The following TAF1 variants were observed in gnomAD, a reference collection of about 807,000 sequenced individuals.
The protein encoded by TAF1 is TATA-box binding protein associated factor 1, also known as transcription initiation factor TFIID subunit 1.
TAF1 carries 2 observed loss-of-function variants against 138.5 expected under a neutral mutation model. The ratio of observed to expected loss-of-function variants is 0.01; its 90% CI spans 0.01 to 0.05. The LOEUF is 0.05. TAF1 is among the 10% of genes least tolerant of loss of function. The probability of loss-of-function intolerance (pLI) is 1.00; values close to 1 mark genes in which losing one functional copy is unlikely to be tolerated. For synonymous variants in TAF1, 437 were observed against 503.2 expected (o/e 0.87, Z 1.76); for missense variants, 709 against 1,478.0 (o/e 0.48, Z 8.53).
intron 13 of TAF1, among the ~76,000 whole-genome samples, chrX:71,473,634 GC>G (rs2038929169): frequency 9.1e-6 from 1 of 110,324 alleles, no homozygotes; most frequent in Non-Finnish European, 1.9e-5. Flanking sequence ...TGAGCCGTGA[GC>G]CACTACATGG....
intron 32 of TAF1, among the ~76,000 whole-genome samples, chrX:71,453,678 A>G (rs950440509): frequency 1.8e-5 from 2 of 110,358 alleles, no homozygotes; most frequent in African/African-American, 3.3e-5. Context: ...ACATGTATCC[A>G]CCATTATATT....
chrX:71,448,875 A>G (rs1456690348), intron 32 of TAF1, among the ~76,000 whole-genome samples: 2 of 107,708 alleles, frequency 1.9e-5, no homozygotes, highest in Non-Finnish European at 3.8e-5. Context: ...CTAGAGTACA[A>G]TGGTGTGATC....
In TAF1 at chrX:71,377,696, C is replaced by G. The variant is rs28382158; in HGVS notation, c.808C>G (p.Leu270Val). The G allele has an allele frequency of 0.021, 25,486 of 1,209,583 alleles. 1,949 individuals are homozygous for G. In the Admixed American group the frequency reaches 0.31, roughly 15 times the overall value. ...RRKRKKKHRELIQEEQIQEVE... is the reference protein window; with the variant it reads ...RRKRKKKHREVIQEEQIQEVE... ...AAAGAGGAAGAAGAAGCACCGTGAG[C>G]TGATACAGGAAGAGCAGATCCAGGA... The change falls in exon 6 of 38, where the codon CTG becomes GTG. Residue 270 changes from leucine (L) to valine (V), a missense_variant. Physicochemically the swap from Leu to Val is conservative, Grantham distance 32. This residue lies in a region of TAF1 where 26 missense variants were observed against 20.9 expected (regional missense o/e 1.25). Transcript: ENST00000423759.
chrX:71,389,878 T>TTTTGACAGAGCA lies in TAF1; in HGVS notation c.2781+222_2781+223insGCATTTGACAGA, dbSNP rs1428494450. The TTTTGACAGAGCA allele has an allele frequency of 4.9e-5, 14 of 287,576 alleles. No homozygotes were observed. The East Asian group carries it at 9.4e-4, about 19-fold the overall frequency. The allele number at this position is 287,576 out of a possible 1,213,427, so 23.7% of individuals were successfully genotyped here. ...TTTGTTTTTTTTTGTTTGTTTTGTT[T>TTTTGACAGAGCA]TTTGACAGAATCTTGCTCTGTCACC... On this transcript the variant is annotated intron_variant, in intron 18 of 37. Transcript: ENST00000423759.
At chrX:71,388,998 C>T (rs1242932722) in intron 17 of TAF1, 130 bp downstream of exon 17, 1 of 796,026 alleles carries the variant, frequency 1.3e-6, no homozygotes, top group Non-Finnish European at 1.7e-6. Flanking sequence ...TAGATTATTA[C>T]CAATTACTAA....
At chrX:71,391,531 C>T (rs1174482364) in intron 18 of TAF1, among the ~76,000 whole-genome samples, 1 of 110,079 alleles carries the variant, frequency 9.1e-6, no homozygotes, top group African/African-American at 3.3e-5. Flanking sequence ...AAAAGAAAAA[C>T]AATTTTTTTT....
chrX:71,424,183 G>A lies in TAF1; in HGVS notation c.4698G>A (p.Arg1566=), dbSNP rs148007434. 3.5e-4 allele frequency: 425 copies of A among 1,209,132 alleles called. 1 individual carries two copies. In the Middle Eastern group the frequency reaches 5.7e-3, roughly 16 times the overall value. ...TCTCCAAGCACAAGTATCAGAGTCG[G>A]GAGAGCTTTCTGGATGATGTAAACC... The part of the protein sequence containing the change: ...KNISKHKYQS[R]ESFLDDVNLI... The change falls in exon 32 of 38, where the codon CGG becomes CGA. Residue 1566 remains arginine (R), a synonymous_variant. Transcript: ENST00000423759.
At chrX:71,489,980 C>T (rs1411266261) in intron 13 of TAF1, among the ~76,000 whole-genome samples, 3 of 111,945 alleles carry the variant, frequency 2.7e-5, no homozygotes, top group African/African-American at 6.5e-5. Flanking sequence ...AGGCCTCTCC[C>T]TCATGAACAG....
intron 13 of TAF1, among the ~76,000 whole-genome samples, chrX:71,503,130 G>A (rs2039541479): frequency 1.9e-5 from 2 of 105,784 alleles, no homozygotes; most frequent in Non-Finnish European, 3.9e-5. Context: ...AATTAGCCGG[G>A]TGTGGTGGTG....
chrX:71,449,099 TCTC>T (rs1489235798), intron 32 of TAF1, among the ~76,000 whole-genome samples: 1 of 111,856 alleles, frequency 8.9e-6, no homozygotes, highest in Non-Finnish European at 1.9e-5. Context: ...TTCAAGCAAT[TCTC>T]CTGCCTCAGC....
At chrX:71,437,586 G>T (rs747352661) in intron 32 of TAF1, among the ~76,000 whole-genome samples, 1 of 105,289 alleles carries the variant, frequency 9.5e-6, no homozygotes, top group East Asian at 3.0e-4. Context: ...CTGGTGACAT[G>T]CACCTGGAGC....
chrX:71,400,080 GT>G (rs887376119), intron 24 of TAF1, among the ~76,000 whole-genome samples: 3 of 105,242 alleles, frequency 2.9e-5, no homozygotes, highest in Non-Finnish European at 3.9e-5. Flanking sequence ...GGTTTGGTAG[GT>G]TTTTTTTTGT....
intron 9 of TAF1, 134 bp downstream of exon 9, chrX:71,382,053 GT>G: frequency 1.4e-6 from 1 of 716,430 alleles, no homozygotes. Context: ...AGAGAGCGAA[GT>G]TTTGGCTGTT....
In TAF1 at chrX:71,389,852, G is replaced by T. The variant is rs921313847; in HGVS notation, c.2781+187G>T. On this transcript the variant is annotated intron_variant, in intron 18 of 37. Transcript: ENST00000423759. Reference sequence around the variant, plus strand: ...AAATATTATATTTTATATGATATGGGTTTGTTTTTTTTTGTTTGTTTTGTT... The same window carrying T: ...AAATATTATATTTTATATGATATGGTTTTGTTTTTTTTTGTTTGTTTTGTT... 1.5e-5 allele frequency: 5 copies of T among 333,848 alleles called. No individual in the cohort carries two copies. The Admixed American group carries it at 2.5e-4, about 17-fold the overall frequency. The allele number at this position is 333,848 out of a possible 1,213,427, so 27.5% of individuals were successfully genotyped here. A position where few individuals can be genotyped will look rare whatever the true frequency, so the allele number is the denominator to read the frequency against.
At chrX:71,380,639 AAGC>A (rs1262158338) in intron 8 of TAF1, among the ~76,000 whole-genome samples, 3 of 111,758 alleles carry the variant, frequency 2.7e-5, no homozygotes, top group East Asian at 2.8e-4. Flanking sequence ...AAATGAAAAA[AAGC>A]AGACTATATA....
At chrX:71,398,110 C>T (rs903401216) in intron 23 of TAF1, among the ~76,000 whole-genome samples, 8 of 111,256 alleles carry the variant, frequency 7.2e-5, no homozygotes, top group Middle Eastern at 4.7e-3. Context: ...GAGGCTGAGG[C>T]GGGCGGATCA....
In TAF1 at chrX:71,464,060, C is replaced by T; in HGVS notation, c.*14C>T. On this transcript the variant is annotated 3_prime_UTR_variant, in exon 38 of 38. Transcript: ENST00000423759. Reference sequence around the variant, plus strand: ...TCTGATGAATGAGGCTTCCTTTGGGCCTCCTTGGTCAGCCTTCCCTGTTCT... The same window carrying T: ...TCTGATGAATGAGGCTTCCTTTGGGTCTCCTTGGTCAGCCTTCCCTGTTCT... 1 of 1,171,050 alleles carries T rather than the reference C, an allele frequency of 8.5e-7. No homozygotes were observed. The highest frequency in any genetic ancestry group is 1.1e-6 in the Non-Finnish European group (1 of 872,590).
chrX:71,517,339 T>C (rs1216328588), intron 13 of TAF1, among the ~76,000 whole-genome samples: 1 of 111,958 alleles, frequency 8.9e-6, no homozygotes, highest in African/African-American at 3.2e-5. Context: ...AAGAATATAA[T>C]CGGATTGTTT....
chrX:71,398,344 G>GAA (rs1204823703), intron 23 of TAF1, among the ~76,000 whole-genome samples: 5 of 72,488 alleles, frequency 6.9e-5, no homozygotes, highest in Non-Finnish European at 5.6e-5. Flanking sequence ...TCTCAAGAAA[G>GAA]AAAAAAAAAA....
Sources: gnomAD v4.1 joint callset for allele counts (sites outside exome capture counted in the v4.1 genomes callset) on GRCh38, gnomAD v4.1.1 for gene constraint, gnomAD v4.1.1 regional missense constraint, MANE v1.5 for transcripts, NCBI Gene and HGNC (gene_info 2026-07-23, HGNC 2026-07-21) for gene names.